Variants in FAM227B observed in about 807,000 individuals in gnomAD.
FAM227B encodes the protein protein FAM227B.
A neutral mutation model predicts 73.8 loss-of-function variants in FAM227B; 88 were observed. That is an observed-to-expected ratio of 1.19 (90% CI 1.00 to 1.42). FAM227B has a LOEUF of 1.42. Among genes scored for constraint, FAM227B ranks in the 40% most tolerant of loss-of-function variants. The pLI is 0.00. For synonymous variants in FAM227B, 210 were observed against 190.5 expected (o/e 1.10, Z -0.84); for missense variants, 632 against 590.9 (o/e 1.07, Z -0.72).
chr15:49,556,703 C>T (rs918244415), intron 9 of FAM227B, among the ~76,000 whole-genome samples: 2 of 152,178 alleles, frequency 1.3e-5, no homozygotes, highest in African/African-American at 4.8e-5. Context: ...GGCCCATCTC[C>T]GAGGCAAGGA....
rs1214217788 is a variant in FAM227B at position 49,367,572 on chromosome 15, C to A, written c.1147G>T (p.Val383Phe). ...CTCTGACCTCCAAAATTGAAGAGAA[C>A]ACGATTAAACTCTGGACCAGTACTA... The part of the protein sequence containing the change: ...YSSTGPEFNR[V>F]LFNFGGQSPL... The change falls in exon 13 of 16, where the codon GTT becomes TTT. Residue 383 changes from valine (V) to phenylalanine (F), a missense_variant. Transcript: ENST00000299338. 1 of 1,600,474 alleles carries A rather than the reference C, an allele frequency of 6.2e-7. No individual in the cohort carries two copies. Among genetic ancestry groups the A allele is most frequent in the South Asian group, 1.1e-5 (1 of 87,392 alleles).
intron 11 of FAM227B, among the ~76,000 whole-genome samples, chr15:49,489,836 AT>A (rs2056815623): frequency 6.3e-5 from 2 of 31,574 alleles, no homozygotes; most frequent in South Asian, 1.1e-3. Flanking sequence ...ATATATATAT[AT>A]ATTTTATATA....
intron 10 of FAM227B, among the ~76,000 whole-genome samples, chr15:49,520,298 C>A (rs2059689101): frequency 6.6e-6 from 1 of 152,184 alleles, no homozygotes; most frequent in Non-Finnish European, 1.5e-5. Flanking sequence ...ATCTTCCTGT[C>A]TTCTGAGCCC....
At chr15:49,583,904 T>A (rs77471544) in intron 5 of FAM227B, among the ~76,000 whole-genome samples, 2,941 of 152,230 alleles carry the variant, frequency 0.019, 120 homozygotes, top group African/African-American at 0.068. Context: ...CACGACCAGA[T>A]AAATTCACAA....
intron 13 of FAM227B, among the ~76,000 whole-genome samples, chr15:49,346,013 C>A (rs1209540430): frequency 1.3e-5 from 2 of 151,388 alleles, no homozygotes; most frequent in Non-Finnish European, 2.9e-5. Context: ...TTGATCAGGT[C>A]TGCCTGCCCT....
At chr15:49,387,928 G>C (rs2046980329) in intron 11 of FAM227B, among the ~76,000 whole-genome samples, 1 of 151,476 alleles carries the variant, frequency 6.6e-6, no homozygotes, top group Admixed American at 6.6e-5. Flanking sequence ...TAACTATGGA[G>C]GTGAAAGATC....
At chr15:49,536,132 A>C (rs184180564) in intron 10 of FAM227B, among the ~76,000 whole-genome samples, 3 of 151,578 alleles carry the variant, frequency 2.0e-5, no homozygotes, top group Admixed American at 2.0e-4. Flanking sequence ...AAGGAAATAC[A>C]TAAAATTATC....
chr15:49,506,585 A>G (rs2058602571), intron 11 of FAM227B, among the ~76,000 whole-genome samples: 1 of 152,066 alleles, frequency 6.6e-6, no homozygotes, highest in African/African-American at 2.4e-5. Flanking sequence ...AAGATCATAC[A>G]GAGTATGCCC....
intron 11 of FAM227B, among the ~76,000 whole-genome samples, chr15:49,506,815 A>G (rs2058619985): frequency 6.6e-6 from 1 of 152,070 alleles, no homozygotes; most frequent in Non-Finnish European, 1.5e-5. Flanking sequence ...GCTTAGGGAA[A>G]TTTAATCTTT....
At chr15:49,546,238 T>C (rs910463027) in intron 9 of FAM227B, among the ~76,000 whole-genome samples, 1 of 152,182 alleles carries the variant, frequency 6.6e-6, no homozygotes, top group African/African-American at 2.4e-5. Context: ...AACAGTTTGC[T>C]GAGAATGATG....
intron 11 of FAM227B, among the ~76,000 whole-genome samples, chr15:49,418,485 G>A (rs775002351): frequency 2.0e-5 from 3 of 152,054 alleles, no homozygotes; most frequent in Admixed American, 6.6e-5. Flanking sequence ...CAGCCATCAT[G>A]TCCTTTGCAG....
intron 11 of FAM227B, among the ~76,000 whole-genome samples, chr15:49,402,788 T>C (rs1020485780): frequency 2.6e-5 from 4 of 152,198 alleles, no homozygotes; most frequent in African/African-American, 7.2e-5. Flanking sequence ...TCTTGCCTGA[T>C]TGCCCTGGCC....
At chr15:49,544,183 A>G (rs965680164) in intron 9 of FAM227B, among the ~76,000 whole-genome samples, 3 of 152,230 alleles carry the variant, frequency 2.0e-5, no homozygotes, top group African/African-American at 7.2e-5. Context: ...AGTGTTTTAT[A>G]GTTTTCCTTG....
intron 13 of FAM227B, among the ~76,000 whole-genome samples, chr15:49,361,306 G>T (rs963126354): frequency 6.6e-6 from 1 of 152,048 alleles, no homozygotes; most frequent in Non-Finnish European, 1.5e-5. Flanking sequence ...TAGGTAAATT[G>T]ATGTTACAGG....
At chr15:49,414,105 C>G (rs1303492532) in intron 11 of FAM227B, among the ~76,000 whole-genome samples, 1 of 151,970 alleles carries the variant, frequency 6.6e-6, no homozygotes, top group Non-Finnish European at 1.5e-5. Context: ...TCTTATTGAA[C>G]AGTATGTCAT....
At chr15:49,391,485 C>T (rs1200697464) in intron 11 of FAM227B, among the ~76,000 whole-genome samples, 1 of 152,064 alleles carries the variant, frequency 6.6e-6, no homozygotes, top group Non-Finnish European at 1.5e-5. Flanking sequence ...AACCCAGACC[C>T]CCATCAGATG....
At chr15:49,544,964 T>C (rs1260005935) in intron 9 of FAM227B, among the ~76,000 whole-genome samples, 1 of 152,192 alleles carries the variant, frequency 6.6e-6, no homozygotes, top group Non-Finnish European at 1.5e-5. Context: ...TCTGTAGTTT[T>C]CTTTTTTTGT....
intron 13 of FAM227B, chr15:49,365,422 C>T (rs1031989456): frequency 3.3e-5 from 33 of 987,870 alleles, no homozygotes; most frequent in South Asian, 9.1e-5. Flanking sequence ...TTCTACAGTA[C>T]GCAAGCAACA....
intron 11 of FAM227B, among the ~76,000 whole-genome samples, chr15:49,382,647 T>C (rs955407402): frequency 1.3e-5 from 2 of 152,080 alleles, no homozygotes; most frequent in African/African-American, 2.4e-5. Flanking sequence ...AAAATGCATA[T>C]TGTTTTTAAC....
Sources: allele counts gnomAD v4.1 joint callset (sites outside exome capture counted in the v4.1 genomes callset), GRCh38; gene constraint gnomAD v4.1.1; transcripts MANE v1.5; gene names NCBI Gene and HGNC (gene_info 2026-07-23, HGNC 2026-07-21).